Variants in LIPA observed in about 807,000 individuals in gnomAD.
The protein encoded by LIPA is lipase A, lysosomal acid type.
LIPA carries 26 observed loss-of-function variants against 40.6 expected under a neutral mutation model. The ratio of observed to expected loss-of-function variants is 0.64; its 90% CI spans 0.47 to 0.89. The LOEUF (loss-of-function observed/expected upper bound fraction) is 0.89. LIPA is among the 40% of genes least tolerant of loss of function. The pLI is 0.00. For synonymous variants in LIPA, 188 were observed against 168.4 expected, an observed-to-expected ratio of 1.12 and a Z score of -0.90; for missense variants, 455 against 479.6, an observed-to-expected ratio of 0.95 and a Z score of 0.48.
chr10:89,384,274 T>C, intron 2 of LIPA: 1 of 1,614,162 alleles, frequency 6.2e-7, no homozygotes, highest in Non-Finnish European at 8.5e-7. Context: ...TGTGGACAGA[T>C]TGGTTCAATT....
upstream of LIPA, among the ~76,000 whole-genome samples, chr10:89,254,357 C>T (rs1843170694): frequency 6.6e-6 from 1 of 152,238 alleles, no homozygotes; most frequent in Non-Finnish European, 1.5e-5. Flanking sequence ...ACTGCCAAGG[C>T]TTAGGGACTG....
chr10:89,362,719 G>A lies in LIPA; in HGVS notation c.61+50072C>T, dbSNP rs909999268. The A allele has an allele frequency of 8.2e-6, 6 of 734,034 alleles. No individual in the cohort carries two copies. In the Admixed American group the frequency reaches 1.5e-4, roughly 18 times the overall value. 45.5% of individuals were successfully genotyped at this position (734,034 alleles called of 1,614,324 possible). On this transcript the variant is annotated intron_variant, in intron 2 of 8. Transcript: ENST00000371837. ...AATGCTTCCCGCTATAGAATGGAGT[G>A]TCCTGAGATGAACTGTGAGGAAGGA...
chr10:89,232,702 C>G (rs746646515), intron 3 of LIPA, among the ~76,000 whole-genome samples: 3 of 152,106 alleles, frequency 2.0e-5, no homozygotes, highest in Admixed American at 6.5e-5. Flanking sequence ...GCACATGGGA[C>G]CAGGACTCAG....
intron 2 of LIPA, among the ~76,000 whole-genome samples, chr10:89,361,304 C>T (rs1844020295): frequency 1.3e-5 from 2 of 152,154 alleles, no homozygotes; most frequent in South Asian, 4.1e-4. Context: ...AAGGAGAAGA[C>T]CATGCCTGAC....
intron 2 of LIPA, among the ~76,000 whole-genome samples, chr10:89,390,933 G>A (rs1844243596): frequency 6.6e-6 from 1 of 152,196 alleles, no homozygotes; most frequent in Non-Finnish European, 1.5e-5. Context: ...GCCTGATCAT[G>A]TATCTGAGTG....
intron 1 of LIPA, among the ~76,000 whole-genome samples, chr10:89,303,394 G>A (rs1843458414): frequency 6.6e-6 from 1 of 152,188 alleles, no homozygotes; most frequent in African/African-American, 2.4e-5. Flanking sequence ...CATTAGTTCT[G>A]AGCCTGGTTG....
chr10:89,399,923 C>T (rs184607669), intron 2 of LIPA, among the ~76,000 whole-genome samples: 97 of 152,330 alleles, frequency 6.4e-4, no homozygotes, highest in African/African-American at 2.0e-3. Flanking sequence ...AAGAAGGAGC[C>T]ATCTGCAATC....
chr10:89,229,396 A>G (rs982507677), intron 3 of LIPA, among the ~76,000 whole-genome samples: 1 of 152,204 alleles, frequency 6.6e-6, no homozygotes, highest in South Asian at 2.1e-4. Context: ...GCATGATACT[A>G]TAGAGGTAGA....
At chr10:89,265,553 G>C (rs199820110) in intron 1 of LIPA, among the ~76,000 whole-genome samples, 2 of 152,322 alleles carry the variant, frequency 1.3e-5, no homozygotes, top group South Asian at 4.2e-4. Flanking sequence ...TTTGTTCTTT[G>C]GGACTTGAAT....
chr10:89,307,454 G>A, intron 1 of LIPA: 1 of 1,131,710 alleles, frequency 8.8e-7, no homozygotes, highest in Non-Finnish European at 1.3e-6. Flanking sequence ...TTCAAAATAT[G>A]TAATGACTGG....
chr10:89,237,142 G>A (rs984777006), intron 3 of LIPA, among the ~76,000 whole-genome samples: 2 of 152,104 alleles, frequency 1.3e-5, no homozygotes, highest in African/African-American at 4.8e-5. Flanking sequence ...AGCCGAGTAT[G>A]GTTGGCACAT....
intron 1 of LIPA, among the ~76,000 whole-genome samples, chr10:89,270,186 A>C (rs1843258283): frequency 6.6e-6 from 1 of 152,208 alleles, no homozygotes; most frequent in South Asian, 2.1e-4. Context: ...TATATTGTCT[A>C]TTTGTGTTGG....
chr10:89,412,363 T>G lies in LIPA; in HGVS notation c.61+428A>C, dbSNP rs148465224. ...TCAGCACTCTGTCAAAATGGACCAA[T>G]CAGCACTCTGTAAAATGGACCAATC... On this transcript the variant is annotated intron_variant, in intron 2 of 8. Transcript: ENST00000371837. 9.5e-3 allele frequency among the ~76,000 whole-genome samples: 1,447 copies of G among 152,068 alleles called. 12 individuals are homozygous for G. Among genetic ancestry groups the G allele is most frequent in the Middle Eastern group, 0.017 (5 of 294 alleles).
chr10:89,377,157 C>A lies in LIPA; in HGVS notation c.61+35634G>T, dbSNP rs527841702. ...CTGCTAATTGTGTGGGCAATTACAT[C>A]AGCCTTGGGATCATATAAATTTTTC... is the stretch of plus-strand genomic sequence containing the variant. On this transcript the variant is annotated intron_variant, in intron 2 of 8. Coordinates refer to the LIPA transcript ENST00000371837. 2.0e-5 allele frequency among the ~76,000 whole-genome samples: 3 copies of A among 152,312 alleles called. No homozygotes were observed. In the East Asian group the frequency reaches 5.8e-4, roughly 29 times the overall value.
At chr10:89,232,985 T>C (rs911515068) in intron 3 of LIPA, among the ~76,000 whole-genome samples, 1 of 152,262 alleles carries the variant, frequency 6.6e-6, no homozygotes, top group Non-Finnish European at 1.5e-5. Context: ...CTAAGGTGGC[T>C]GTGCAGCTTC....
At chr10:89,311,428 G>A (rs1338773532) in intron 1 of LIPA, among the ~76,000 whole-genome samples, 1 of 150,294 alleles carries the variant, frequency 6.7e-6, no homozygotes, top group Non-Finnish European at 1.5e-5. Flanking sequence ...TACTCAGGAG[G>A]TTGAGGCAGG....
At position 89,290,351 on chromosome 10, in the gene LIPA, A is replaced by G. The variant is rs562823198; in HGVS notation, c.-1-42702T>C. Among the ~76,000 whole-genome samples, 26 of 152,208 alleles carry G rather than the reference A, an allele frequency of 1.7e-4. No individual in the cohort carries two copies. In the East Asian group the frequency reaches 4.6e-3, roughly 27 times the overall value. On this transcript the variant is annotated intron_variant, in intron 1 of 5. Transcript: ENST00000282673. ...CCCCACAGTATCACCCCTTACCACA[A>G]AATCTTTCTTCAGCTTAATCTCTCC...
Position 89,247,589 on chromosome 10 carries a change from C to T in LIPA, c.60G>A (p.Glu20=), listed in dbSNP as rs1390522031. The change falls in exon 2 of 10, where the codon GAG becomes GAA. Residue 20 remains glutamate (E), a synonymous_variant. Transcript: ENST00000336233. ...CAGCTGTCAGTTTCCCTCCAGACCC[C>T]TCAGAATGCAGGGTCCAGAGAACCA... ...VCLVLWTLHS[E]GSGGKLTAVD... The T allele has an allele frequency of 5.0e-6, 8 of 1,613,386 alleles. No individual in the cohort carries two copies. The African/African-American group carries it at 6.7e-5, about 13-fold the overall frequency.
intron 2 of LIPA, among the ~76,000 whole-genome samples, chr10:89,374,885 G>T (rs989557006): frequency 3.3e-5 from 5 of 151,788 alleles, no homozygotes; most frequent in African/African-American, 1.2e-4. Context: ...TATGGCCAGG[G>T]CTCCCTGACC....
Sources: gnomAD v4.1 joint callset for allele counts (sites outside exome capture counted in the v4.1 genomes callset) on GRCh38, gnomAD v4.1.1 for gene constraint, MANE v1.5 for transcripts, NCBI Gene and HGNC (gene_info 2026-07-23, HGNC 2026-07-21) for gene names.